The following STAT4 variants were observed in gnomAD, a reference collection of about 807,000 sequenced individuals.
STAT4 encodes signal transducer and activator of transcription 4.
In STAT4, 42 loss-of-function variants were observed where a neutral mutation model predicts 110.5. The ratio of observed to expected loss-of-function variants is 0.38; its 90% confidence interval spans 0.30 to 0.49. The LOEUF (loss-of-function observed/expected upper bound fraction) is 0.49, where lower values mean the gene tolerates loss of function less well. Among genes scored for constraint, STAT4 ranks in the 20% least tolerant of loss-of-function variants. The pLI, the probability that STAT4 is intolerant of heterozygous loss-of-function variation, is 0.95. For missense variants in STAT4, 632 were observed against 887.9 expected (o/e 0.71, Z 3.66); for synonymous variants, 284 against 302.2 (o/e 0.94, Z 0.63).
At chr2:191,078,810 G>T (rs1440197272) in intron 3 of STAT4, among the ~76,000 whole-genome samples, 1 of 152,028 alleles carries the variant, frequency 6.6e-6, no homozygotes, top group Non-Finnish European at 1.5e-5. Flanking sequence ...CAATGAAGAG[G>T]TTTTAAATTT....
chr2:191,042,932 A>G lies in STAT4; in HGVS notation c.1252-1784T>C, dbSNP rs1020284542. Among the ~76,000 whole-genome samples the G allele has an allele frequency of 6.6e-6, 1 of 152,124 alleles. No individual in the cohort carries two copies. Among genetic ancestry groups the G allele is most frequent in the Non-Finnish European group, 1.5e-5 (1 of 68,026 alleles). On this transcript the variant is annotated intron_variant, in intron 14 of 23. Transcript: ENST00000392320. The surrounding 1 kb of genome is among the most constrained non-coding windows in gnomAD (Gnocchi z 4.2). ...GTAGCTGGGATTACAGGCATGCGCCACCATGCCTGGCTAATTTTGTATTTT... is the reference window on the plus strand; with the variant it reads ...GTAGCTGGGATTACAGGCATGCGCCGCCATGCCTGGCTAATTTTGTATTTT...
intron 3 of STAT4, among the ~76,000 whole-genome samples, chr2:191,118,634 C>A (rs1698633707): frequency 6.6e-6 from 1 of 152,048 alleles, no homozygotes; most frequent in African/African-American, 2.4e-5. Context: ...TTTTTAAGAT[C>A]ATTTTTGCAT....
rs1218994421 is a variant in STAT4, at chr2:191,140,352, A to G, written c.273+6261T>C. Among the ~76,000 whole-genome samples, 6 of 152,250 alleles carry G rather than the reference A, an allele frequency of 3.9e-5. No individual in the cohort carries two copies. The highest frequency in any genetic ancestry group is 1.2e-4 in the African/African-American group (5 of 41,460). On this transcript the variant is annotated intron_variant, in intron 3 of 23. Transcript: ENST00000392320. The surrounding 1 kb of genome is among the most constrained non-coding windows in gnomAD (Gnocchi z 4.4). ...AATATTTGCAAGCTATGTATCTGAC[A>G]AAGGACTAATATCCATAATCTGCAA...
rs1321486539 is a variant in STAT4, at chr2:191,112,158, G to C, written c.273+34455C>G. 6.6e-6 allele frequency among the ~76,000 whole-genome samples: 1 copy of C among 152,142 alleles called. No homozygotes were observed. ...TATGTCATTATACCTCTGTAAGGTT[G>C]TTAGAAATTATCATAAACTACATGT... On this transcript the variant is annotated intron_variant, in intron 3 of 23. Transcript: ENST00000392320. The surrounding 1 kb of genome is among the most constrained non-coding windows in gnomAD (Gnocchi z 4.3).
rs201192423 is a variant in STAT4 at position 191,041,116 on chromosome 2, G to A, written c.1284C>T (p.Ser428=). ...GGCAGATCTGTGTTTCAAACGTTAT[G>A]GAATGAAGTTCTTCAGTCACCATGT... ...GCHMVTEELH[S]ITFETQICLY... is the part of the protein sequence containing the mutation. Residue 428 remains serine, a synonymous_variant, in exon 15 of 24, where the codon TCC becomes TCT. Transcript: ENST00000392320. The A allele has an allele frequency of 2.6e-4, 393 of 1,488,234 alleles. 4 individuals carry two copies. The East Asian group carries it at 0.01, about 38-fold the overall frequency. 92.2% of individuals were successfully genotyped at this position (1,488,234 alleles called of 1,614,324 possible). A position where few individuals can be genotyped will look rare whatever the true frequency, so the allele number is the denominator to read the frequency against.
At position 191,060,012 on chromosome 2, in the gene STAT4, AG is replaced by A; in HGVS notation, c.1035-1244del. Among the ~76,000 whole-genome samples, 1 of 152,302 alleles carries A rather than the reference AG, an allele frequency of 6.6e-6. No homozygotes were observed. The highest frequency in any genetic ancestry group is 2.1e-4 in the South Asian group (1 of 4,822). Reference sequence around the variant, plus strand: ...AGGAGGATGCAAAAGTATGGCAAAGAGGGGTTTTAGGAAAACCTTGAGTAAA... The same window carrying A: ...AGGAGGATGCAAAAGTATGGCAAAGAGGGTTTTAGGAAAACCTTGAGTAAA... On this transcript the variant is annotated intron_variant, in intron 10 of 23. Transcript: ENST00000392320. The surrounding 1 kb of genome is among the most constrained non-coding windows in gnomAD (Gnocchi z 4.5).
chr2:191,075,231 T>C (rs1053723320), intron 4 of STAT4, among the ~76,000 whole-genome samples: 1 of 152,218 alleles, frequency 6.6e-6, no homozygotes, highest in Non-Finnish European at 1.5e-5. Flanking sequence ...TATTGAATTA[T>C]GGAGGATGTC....
At chr2:191,075,837 C>CT (rs71407854) in intron 4 of STAT4, among the ~76,000 whole-genome samples, 17,446 of 121,438 alleles carry the variant, frequency 0.14, 1,208 homozygotes, top group African/African-American at 0.27. Flanking sequence ...TTCTTTCTTT[C>CT]TTTTTTTTTT....
intron 3 of STAT4, among the ~76,000 whole-genome samples, chr2:191,127,297 T>C (rs1454749863): frequency 6.6e-6 from 1 of 152,196 alleles, no homozygotes; most frequent in Non-Finnish European, 1.5e-5. Context: ...GCATTCAAGA[T>C]CTTCGCTTAA....
chr2:191,039,618 A>C lies in STAT4; in HGVS notation c.1336-321T>G, dbSNP rs1559039487. 6.6e-6 allele frequency among the ~76,000 whole-genome samples: 1 copy of C among 152,164 alleles called. No individual in the cohort carries two copies. Among genetic ancestry groups the C allele is most frequent in the Non-Finnish European group, 1.5e-5 (1 of 68,026 alleles). On this transcript the variant is annotated intron_variant, in intron 15 of 23. Coordinates refer to ENST00000392320, the MANE Select transcript of STAT4 (RefSeq NM_003151.4). This position sits in a 1 kb window ranked among gnomAD's most constrained non-coding sequence, Gnocchi z 4.7. Reference sequence around the variant, plus strand: ...CTGTCTCAAGTGCAATATATTAGAGAGTCTATTGAATTAGCAACAATCTTC... The same window carrying C: ...CTGTCTCAAGTGCAATATATTAGAGCGTCTATTGAATTAGCAACAATCTTC...
At position 191,031,560 on chromosome 2, in the gene STAT4, A is replaced by G; in HGVS notation, c.2045-44T>C. On this transcript the variant is annotated intron_variant, in intron 21 of 23. Coordinates refer to ENST00000392320, the MANE Select transcript of STAT4 (RefSeq NM_003151.4). The surrounding 1 kb of genome is among the most constrained non-coding windows in gnomAD (Gnocchi z 4.8). Reference sequence around the variant, plus strand: ...CAATGTTGGGGAAAAAAATGTCAATATTATCAATAAAACTGGGGAAAAAAG... The same window carrying G: ...CAATGTTGGGGAAAAAAATGTCAATGTTATCAATAAAACTGGGGAAAAAAG... 6.5e-7 allele frequency: 1 copy of G among 1,531,952 alleles called. No homozygotes were observed. The highest frequency in any genetic ancestry group is 2.3e-5 in the East Asian group (1 of 44,346). The allele number at this position is 1,531,952 out of a possible 1,614,324, so 94.9% of individuals were successfully genotyped here. A position where few individuals can be genotyped will look rare whatever the true frequency, so the allele number is the denominator to read the frequency against.
chr2:191,063,703 T>G (rs1446426564), intron 8 of STAT4, among the ~76,000 whole-genome samples: 1 of 152,220 alleles, frequency 6.6e-6, no homozygotes, highest in Non-Finnish European at 1.5e-5. Flanking sequence ...CCCTGCTGAT[T>G]TGGGGTATGA....
chr2:191,072,513 C>T (rs934270299), intron 5 of STAT4, among the ~76,000 whole-genome samples: 3 of 152,016 alleles, frequency 2.0e-5, no homozygotes, highest in Non-Finnish European at 2.9e-5. Context: ...GACTGTTGAT[C>T]TTTAAATATT....
In STAT4 at chr2:191,060,663, C is replaced by T. The variant is rs3024860; in HGVS notation, c.1034+1066G>A. Among the ~76,000 whole-genome samples the T allele has an allele frequency of 5.6e-3, 850 of 152,296 alleles. 9 individuals carry two copies. Among genetic ancestry groups the T allele is most frequent in the African/African-American group, 0.019 (807 of 41,558 alleles). On this transcript the variant is annotated intron_variant, in intron 10 of 23. Coordinates refer to ENST00000392320, the MANE Select transcript of STAT4 (RefSeq NM_003151.4). This position sits in a 1 kb window ranked among gnomAD's most constrained non-coding sequence, Gnocchi z 4.5. ...TGAACTCCTGACCTCAGGTGATCTG[C>T]CTTCCTCAGGCTCCCAAAGTGCTGG...
Position 191,099,862 on chromosome 2 carries a change from G to A in STAT4, c.274-23537C>T, listed in dbSNP as rs1371620280. On this transcript the variant is annotated intron_variant, in intron 3 of 23. Transcript: ENST00000392320. This position sits in a 1 kb window ranked among gnomAD's most constrained non-coding sequence, Gnocchi z 4.1. ...TGATCTACTTTATGGAAAATTACAT[G>A]AGTGTGTATGCAGTAAAAGTATGAA... is the stretch of plus-strand genomic sequence containing the variant. Among the ~76,000 whole-genome samples the A allele has an allele frequency of 1.6e-4, 25 of 152,082 alleles. 1 individual carries two copies. The highest frequency in any genetic ancestry group is 1.6e-3 in the Admixed American group (25 of 15,258).
At chr2:191,063,293 T>C (rs1696899009) in intron 8 of STAT4, among the ~76,000 whole-genome samples, 1 of 152,154 alleles carries the variant, frequency 6.6e-6, no homozygotes, top group Non-Finnish European at 1.5e-5. Context: ...AGAGCAAATT[T>C]AAAGCCATAA....
chr2:191,137,432 C>A lies in STAT4; in HGVS notation c.273+9181G>T, dbSNP rs2356349. Among the ~76,000 whole-genome samples, 562 of 152,074 alleles carry A rather than the reference C, an allele frequency of 3.7e-3. 2 individuals carry two copies. Among genetic ancestry groups the A allele is most frequent in the African/African-American group, 0.012 (517 of 41,460 alleles). ...ATATCATTAAAATGATCATACTGCCCAAAGCAATCTACAGAATCAAAGCAA... is the reference window on the plus strand; with the variant it reads ...ATATCATTAAAATGATCATACTGCCAAAAGCAATCTACAGAATCAAAGCAA... On this transcript the variant is annotated intron_variant, in intron 3 of 23. Transcript: ENST00000392320.
rs529615994 is a variant in STAT4 at position 191,115,474 on chromosome 2, T to C, written c.273+31139A>G. Among the ~76,000 whole-genome samples the C allele has an allele frequency of 2.0e-5, 3 of 152,268 alleles. No homozygotes were observed. The South Asian group carries it at 6.2e-4, about 32-fold the overall frequency. Reference sequence around the variant, plus strand: ...GTTGGATTCCATCACCCACTTGTCCTTCTGTCTGGTTCATTTGTGCAAGAC... The same window carrying C: ...GTTGGATTCCATCACCCACTTGTCCCTCTGTCTGGTTCATTTGTGCAAGAC... On this transcript the variant is annotated intron_variant, in intron 3 of 23. Transcript: ENST00000392320.
chr2:191,030,966 A>G lies in STAT4; in HGVS notation c.2220+6T>C. 1 of 1,610,312 alleles carries G rather than the reference A, an allele frequency of 6.2e-7. No individual in the cohort carries two copies. Among genetic ancestry groups the G allele is most frequent in the East Asian group, 2.2e-5 (1 of 44,836 alleles). ...TGACCAGCAATGGAAAATAAAGGGA[A>G]CATACTGCAGTTTCAATTGTTGTGG... On this transcript the variant is annotated splice_donor_region_variant and intron_variant, in intron 23 of 23. Coordinates refer to ENST00000392320, the MANE Select transcript of STAT4 (RefSeq NM_003151.4). This position sits in a 1 kb window ranked among gnomAD's most constrained non-coding sequence, Gnocchi z 4.4.
Sources: allele counts gnomAD v4.1 joint callset (sites outside exome capture counted in the v4.1 genomes callset), GRCh38; gene constraint gnomAD v4.1.1; non-coding constraint Gnocchi (gnomAD v3.1); transcripts MANE v1.5; gene names NCBI Gene and HGNC (gene_info 2026-07-23, HGNC 2026-07-21).